ZNF385D: variants seen among roughly 807,000 people sequenced by gnomAD.
The protein encoded by ZNF385D is zinc finger protein 385D, also known as zinc finger protein 659.
Under a neutral mutation model 35.8 loss-of-function variants are expected in ZNF385D, and 15 were observed. The observed-to-expected ratio is 0.42, with a 90% CI of 0.28 to 0.64. The LOEUF (loss-of-function observed/expected upper bound fraction) is 0.64. ZNF385D is among the 30% of genes least tolerant of loss of function. ZNF385D has a pLI of 0.23. For synonymous variants in ZNF385D, 212 were observed against 186.8 expected (o/e 1.13, Z -1.10); for missense variants, 474 against 494.6 (o/e 0.96, Z 0.39).
chr3:22,122,262 A>T (rs1489494667), intron 3 of ZNF385D, among the ~76,000 whole-genome samples: 3 of 152,134 alleles, frequency 2.0e-5, no homozygotes, highest in African/African-American at 7.2e-5. Context: ...CTTGCAAGTG[A>T]CAAGCATCAG....
At chr3:22,187,767 T>C (rs1695735583) in intron 2 of ZNF385D, among the ~76,000 whole-genome samples, 1 of 152,182 alleles carries the variant, frequency 6.6e-6, no homozygotes, top group Non-Finnish European at 1.5e-5. Context: ...TGTAGAGTCG[T>C]ATGTTTATTC....
intron 2 of ZNF385D, among the ~76,000 whole-genome samples, chr3:22,260,900 A>G (rs546297758): frequency 6.6e-6 from 1 of 152,076 alleles, no homozygotes; most frequent in Non-Finnish European, 1.5e-5. Flanking sequence ...TAGAACAATA[A>G]GTTTAATAAA....
chr3:22,139,655 A>C (rs1240430828), intron 3 of ZNF385D, among the ~76,000 whole-genome samples: 2 of 152,114 alleles, frequency 1.3e-5, no homozygotes, highest in African/African-American at 4.8e-5. Context: ...TAGGTGATAT[A>C]CCTAATGTTA....
chr3:22,236,967 T>C (rs1699220931), intron 2 of ZNF385D, among the ~76,000 whole-genome samples: 1 of 152,216 alleles, frequency 6.6e-6, no homozygotes, highest in East Asian at 1.9e-4. Context: ...CACCTTTTGG[T>C]CATATCATAA....
chr3:21,922,826 G>T (rs1700537619), intron 3 of ZNF385D, among the ~76,000 whole-genome samples: 1 of 152,064 alleles, frequency 6.6e-6, no homozygotes, highest in Non-Finnish European at 1.5e-5. Flanking sequence ...CACAGCAAAA[G>T]AAATAATCAA....
intron 4 of ZNF385D, among the ~76,000 whole-genome samples, chr3:21,449,887 G>A (rs1702359548): frequency 6.6e-6 from 1 of 152,168 alleles, no homozygotes; most frequent in African/African-American, 2.4e-5. Flanking sequence ...TGGACAGAGA[G>A]TGTGTGAGGC....
chr3:21,624,510 A>C (rs2065084653), intron 2 of ZNF385D, among the ~76,000 whole-genome samples: 1 of 152,112 alleles, frequency 6.6e-6, no homozygotes, highest in Non-Finnish European at 1.5e-5. Flanking sequence ...TTAAAATGAC[A>C]GAAATCTGAA....
chr3:21,572,033 C>T (rs1002859776), intron 2 of ZNF385D, among the ~76,000 whole-genome samples: 1 of 152,178 alleles, frequency 6.6e-6, no homozygotes, highest in Admixed American at 6.5e-5. Context: ...CTCCAGCATC[C>T]TTCCACTCCT....
chr3:21,496,494 GAT>G (rs1458722027), intron 4 of ZNF385D, among the ~76,000 whole-genome samples: 3 of 125,212 alleles, frequency 2.4e-5, no homozygotes, highest in East Asian at 2.3e-4. Flanking sequence ...ACATATATTT[GAT>G]ATATATATCA....
intron 2 of ZNF385D, among the ~76,000 whole-genome samples, chr3:22,292,019 C>T (rs1702325634): frequency 6.6e-6 from 1 of 151,948 alleles, no homozygotes; most frequent in Non-Finnish European, 1.5e-5. Flanking sequence ...TCTGTTATCT[C>T]CTGAACATAT....
Position 21,465,154 on chromosome 3 carries a change from G to GT in ZNF385D, c.440-27952dup, listed in dbSNP as rs1703438464. Among the ~76,000 whole-genome samples, 1 of 151,968 alleles carries GT rather than the reference G, an allele frequency of 6.6e-6. No individual in the cohort carries two copies. Among genetic ancestry groups the GT allele is most frequent in the South Asian group, 2.1e-4 (1 of 4,804 alleles). ...ATTTTTGTTAAATATTTCTTTGCAC[G>GT]TAAGTTTTCACTGTGCCCTTGAACA... On this transcript the variant is annotated intron_variant, in intron 4 of 7. Coordinates refer to ENST00000281523, the MANE Select transcript of ZNF385D (RefSeq NM_024697.3). The surrounding 1 kb of genome is among the most constrained non-coding windows in gnomAD (Gnocchi z 4.2).
chr3:22,171,639 G>A (rs985253219), intron 2 of ZNF385D, among the ~76,000 whole-genome samples: 2 of 152,104 alleles, frequency 1.3e-5, no homozygotes, highest in Non-Finnish European at 2.9e-5. Context: ...CACTTTGGGA[G>A]GCCGAGGCGG....
chr3:21,631,644 C>A (rs544115307), intron 2 of ZNF385D, among the ~76,000 whole-genome samples: 1 of 152,202 alleles, frequency 6.6e-6, no homozygotes, highest in African/African-American at 2.4e-5. Flanking sequence ...ATCTAACCAC[C>A]TTTTCAAACC....
intron 2 of ZNF385D, among the ~76,000 whole-genome samples, chr3:22,171,876 C>CAAAAAAAAAA (rs370469654): frequency 9.9e-6 from 1 of 100,792 alleles, no homozygotes; most frequent in African/African-American, 3.8e-5. Flanking sequence ...GACTCGGTCT[C>CAAAAAAAAAA]AAAAAAAAAA....
chr3:21,904,900 G>C (rs1046800018), intron 3 of ZNF385D, among the ~76,000 whole-genome samples: 1 of 152,086 alleles, frequency 6.6e-6, no homozygotes, highest in Admixed American at 6.6e-5. Flanking sequence ...CTTCTAAGCA[G>C]AATGATATTG....
intron 2 of ZNF385D, among the ~76,000 whole-genome samples, chr3:22,308,093 T>G (rs1210732547): frequency 1.3e-5 from 2 of 152,068 alleles, no homozygotes; most frequent in African/African-American, 4.8e-5. Flanking sequence ...AGCACTGACA[T>G]AGTAATTAAA....
intron 3 of ZNF385D, among the ~76,000 whole-genome samples, chr3:21,807,630 A>C (rs1319171730): frequency 6.6e-6 from 1 of 152,196 alleles, no homozygotes; most frequent in African/African-American, 2.4e-5. Flanking sequence ...TTTACTTAAA[A>C]TATATTTAAA....
At chr3:22,099,228 A>T (rs779194) in intron 3 of ZNF385D, among the ~76,000 whole-genome samples, 2 of 152,100 alleles carry the variant, frequency 1.3e-5, no homozygotes, top group African/African-American at 4.8e-5. Context: ...TATGCACAGT[A>T]TTAAGCTACT....
intron 3 of ZNF385D, among the ~76,000 whole-genome samples, chr3:21,977,179 C>T (rs1178244440): frequency 1.3e-5 from 2 of 152,112 alleles, no homozygotes; most frequent in African/African-American, 4.8e-5. Context: ...AGGGACAGCA[C>T]TGTGGGGCTG....
Sources: allele counts gnomAD v4.1 joint callset (sites outside exome capture counted in the v4.1 genomes callset), GRCh38; gene constraint gnomAD v4.1.1; non-coding constraint Gnocchi (gnomAD v3.1); transcripts MANE v1.5; gene names NCBI Gene and HGNC (gene_info 2026-07-23, HGNC 2026-07-21).